ASTN1: variants seen among roughly 807,000 people sequenced by gnomAD.
ASTN1 encodes astrotactin 1, also known as astrotactin-1.
A neutral mutation model predicts 140.7 loss-of-function variants in ASTN1; 41 were observed. The observed-to-expected ratio is 0.29, with a 90% CI of 0.23 to 0.38. The LOEUF (loss-of-function observed/expected upper bound fraction) is 0.38, where lower values mean the gene tolerates loss of function less well. ASTN1 is among the 10% of genes least tolerant of loss of function. The probability of loss-of-function intolerance (pLI) is 1.00; values close to 1 mark genes in which losing one functional copy is unlikely to be tolerated. For synonymous variants in ASTN1, 640 were observed against 652.2 expected, an observed-to-expected ratio of 0.98 and a Z score of 0.29; for missense variants, 1,479 against 1,678.8, an observed-to-expected ratio of 0.88 and a Z score of 2.08.
At chr1:176,942,873 TGTCTC>T (rs1671800337) in intron 14 of ASTN1, among the ~76,000 whole-genome samples, 1 of 122,304 alleles carries the variant, frequency 8.2e-6, no homozygotes, top group Non-Finnish European at 1.8e-5. Flanking sequence ...TATAGATTGA[TGTCTC>T]ATGTCTCCTT....
chr1:177,061,391 T>G (rs927440430), intron 1 of ASTN1, 126 bp from the exon 2 acceptor site: 2 of 866,140 alleles, frequency 2.3e-6, no homozygotes, highest in Non-Finnish European at 3.3e-6. Context: ...CAACAATGTA[T>G]AGTTAGGTCA....
intron 1 of ASTN1, among the ~76,000 whole-genome samples, chr1:177,080,355 G>C (rs1679122350): frequency 6.7e-6 from 1 of 149,058 alleles, no homozygotes; most frequent in African/African-American, 2.5e-5. Flanking sequence ...TCCACTGTTT[G>C]ATTTTCATTA....
intron 13 of ASTN1, among the ~76,000 whole-genome samples, chr1:176,944,715 T>C (rs948184065): frequency 1.3e-5 from 2 of 152,240 alleles, no homozygotes; most frequent in African/African-American, 4.8e-5. Flanking sequence ...ACCAAAAGGG[T>C]AAAGACTATG....
chr1:176,884,412 C>T lies in ASTN1; in HGVS notation c.3153G>A (p.Gly1051=), dbSNP rs759832557. 13 of 1,614,086 alleles carry T rather than the reference C, an allele frequency of 8.1e-6. No homozygotes were observed. The Admixed American group carries it at 2.2e-4, about 27-fold the overall frequency. ...GGAGGAGGTAATCTACAATCTGCAC[C>T]CCGATTGGTGGCTCTGAGTGTTCCC... ...LEWEHSEPPI[G]VQIVDYLLRQ... The change falls in exon 19 of 23, where the codon GGG becomes GGA. Residue 1051 remains glycine (G), a synonymous_variant. Transcript: ENST00000361833.
rs1370624131 is a variant in ASTN1, at chr1:176,863,667, G to T, written c.*617C>A. On this transcript the variant is annotated 3_prime_UTR_variant, in exon 23 of 23. Transcript: ENST00000361833. ...TCTCAAAACCCAAGTGGCCCACTGG[G>T]GCCTATAATGAAAGCTGGTTTCACC... 3 of 985,624 alleles carry T rather than the reference G, an allele frequency of 3.0e-6. No homozygotes were observed. The highest frequency in any genetic ancestry group is 2.3e-4 in the East Asian group (2 of 8,822). The allele number at this position is 985,624 out of a possible 1,614,324, so 61.1% of individuals were successfully genotyped here. A position where few individuals can be genotyped will look rare whatever the true frequency, so the allele number is the denominator to read the frequency against.
intron 16 of ASTN1, among the ~76,000 whole-genome samples, chr1:176,914,385 T>G (rs886450610): frequency 1.3e-5 from 2 of 152,140 alleles, no homozygotes; most frequent in Admixed American, 6.5e-5. Context: ...ACTAGGTAGT[T>G]AGAAACAGTG....
intron 2 of ASTN1, among the ~76,000 whole-genome samples, chr1:177,054,486 G>A (rs116561831): frequency 1.5e-3 from 222 of 152,292 alleles, no homozygotes; most frequent in Admixed American, 3.1e-3. Context: ...TAAAGGAAAC[G>A]GCTCTGACCT....
intron 17 of ASTN1, among the ~76,000 whole-genome samples, chr1:176,891,454 A>G (rs1669262805): frequency 6.6e-6 from 1 of 152,206 alleles, no homozygotes; most frequent in East Asian, 1.9e-4. Context: ...AGGGGAGGAA[A>G]CAACTATGTC....
intron 14 of ASTN1, among the ~76,000 whole-genome samples, chr1:176,940,684 T>C (rs1211001887): frequency 6.6e-6 from 1 of 152,226 alleles, no homozygotes; most frequent in East Asian, 1.9e-4. Flanking sequence ...TGGTCTTTGT[T>C]TATTTCCATA....
At position 177,134,930 on chromosome 1, in the gene ASTN1, A is replaced by G. The variant is rs10047137; in HGVS notation, c.283+29464T>C. 1.6e-3 allele frequency among the ~76,000 whole-genome samples: 242 copies of G among 152,298 alleles called. 2 individuals are homozygous for G. Among genetic ancestry groups the G allele is most frequent in the African/African-American group, 5.5e-3 (228 of 41,566 alleles). ...ACCTGAAAAAGAACAGGATGCCAGGAAAGACATTATAGCAGATGAATAATG... is the reference window on the plus strand; with the variant it reads ...ACCTGAAAAAGAACAGGATGCCAGGGAAGACATTATAGCAGATGAATAATG... On this transcript the variant is annotated intron_variant, in intron 1 of 22. Transcript: ENST00000361833.
chr1:177,142,729 A>C (rs1440666504), intron 1 of ASTN1, among the ~76,000 whole-genome samples: 1 of 152,206 alleles, frequency 6.6e-6, no homozygotes, highest in East Asian at 1.9e-4. Flanking sequence ...CCTGTACCGA[A>C]AAACACTTTG....
intron 16 of ASTN1, among the ~76,000 whole-genome samples, chr1:176,901,393 T>A (rs1669759671): frequency 6.6e-6 from 1 of 151,480 alleles, no homozygotes; most frequent in Non-Finnish European, 1.5e-5. Flanking sequence ...TCTGGGAAAC[T>A]TGTAGCCAAT....
chr1:177,024,796 GC>G (rs1676023715), intron 5 of ASTN1, 64 bp from the exon 6 acceptor site: 1 of 1,554,780 alleles, frequency 6.4e-7, no homozygotes, highest in Non-Finnish European at 8.8e-7. Context: ...GTCCAACTTG[GC>G]TTTTTGCCAA....
chr1:176,883,045 G>A (rs1571453389), intron 19 of ASTN1, 51 bp from the exon 20 acceptor site: 1 of 1,607,022 alleles, frequency 6.2e-7, no homozygotes, highest in East Asian at 2.2e-5. Context: ...TGACGGCCAA[G>A]CAATGAGGAG....
At chr1:177,086,676 A>G (rs1455542095) in intron 1 of ASTN1, among the ~76,000 whole-genome samples, 1 of 152,232 alleles carries the variant, frequency 6.6e-6, no homozygotes, top group African/African-American at 2.4e-5. Context: ...TAAAATGTGC[A>G]AAATATGAGC....
chr1:176,981,204 T>A (rs1673597544), intron 8 of ASTN1, among the ~76,000 whole-genome samples: 1 of 90,486 alleles, frequency 1.1e-5, no homozygotes, highest in South Asian at 4.1e-4. Flanking sequence ...AGAAGGAGAC[T>A]CTGTCTCAAA....
chr1:177,071,744 A>AT (rs1678646743), intron 1 of ASTN1, among the ~76,000 whole-genome samples: 1 of 152,076 alleles, frequency 6.6e-6, no homozygotes, highest in Non-Finnish European at 1.5e-5. Flanking sequence ...CCTTTCTGGT[A>AT]TTTTTTGTCT....
chr1:177,108,230 T>A (rs1396070542), intron 1 of ASTN1, among the ~76,000 whole-genome samples: 1 of 150,954 alleles, frequency 6.6e-6, no homozygotes, highest in Non-Finnish European at 1.5e-5. Flanking sequence ...ACGCCTGTAG[T>A]CCCAGCTACT....
intron 1 of ASTN1, among the ~76,000 whole-genome samples, chr1:177,076,688 A>G (rs1410145259): frequency 6.6e-6 from 1 of 151,756 alleles, no homozygotes; most frequent in Non-Finnish European, 1.5e-5. Flanking sequence ...TGCCTAGCTA[A>G]TTTTTGTATT....
Sources: allele counts gnomAD v4.1 joint callset (sites outside exome capture counted in the v4.1 genomes callset), GRCh38; gene constraint gnomAD v4.1.1; transcripts MANE v1.5; gene names NCBI Gene and HGNC (gene_info 2026-07-23, HGNC 2026-07-21).